Variants in MNDA observed in about 807,000 individuals in gnomAD.
The protein encoded by MNDA is epididymis secretory sperm binding protein.
Under a neutral mutation model 37.8 loss-of-function variants are expected in MNDA, and 43 were observed. That is an observed-to-expected ratio of 1.14 (90% CI 0.89 to 1.47). The LOEUF is 1.47. Ranked by LOEUF, MNDA falls within the 40% of genes most tolerant of loss-of-function variation. The pLI, the probability that MNDA is intolerant of heterozygous loss-of-function variation, is 0.00. For synonymous variants in MNDA, 181 were observed against 169.0 expected (o/e 1.07, Z -0.55); for missense variants, 536 against 476.0 (o/e 1.13, Z -1.17).
intron 1 of MNDA, among the ~76,000 whole-genome samples, chr1:158,832,391 A>G (rs527278639): frequency 2.6e-5 from 4 of 151,862 alleles, no homozygotes; most frequent in African/African-American, 7.2e-5. Context: ...AATCTAAGCT[A>G]TTTTTTACCT....
intron 1 of MNDA, among the ~76,000 whole-genome samples, chr1:158,840,970 T>C (rs1659019955): frequency 6.6e-6 from 1 of 152,124 alleles, no homozygotes; most frequent in Admixed American, 6.6e-5. Context: ...GGAATACCTA[T>C]AAATTTAAAC....
chr1:158,840,872 T>A (rs2102048688), intron 1 of MNDA, among the ~76,000 whole-genome samples: 1 of 152,280 alleles, frequency 6.6e-6, no homozygotes, highest in East Asian at 1.9e-4. Flanking sequence ...ACACTCATGT[T>A]CTCCCAAAAG....
intron 4 of MNDA, among the ~76,000 whole-genome samples, chr1:158,844,975 A>G (rs1659103650): frequency 6.6e-6 from 1 of 152,168 alleles, no homozygotes. Flanking sequence ...CATGCAGAAG[A>G]TCATGCTTTG....
At chr1:158,845,404 GT>G (rs199841330) in intron 4 of MNDA, among the ~76,000 whole-genome samples, 182 bp from the exon 5 acceptor site, 1 of 151,734 alleles carries the variant, frequency 6.6e-6, no homozygotes, top group Non-Finnish European at 1.5e-5. Context: ...CGCCCGGCTA[GT>G]TTTTTTTGTA....
At chr1:158,835,512 G>C (rs776186648) in intron 1 of MNDA, among the ~76,000 whole-genome samples, 2 of 151,066 alleles carry the variant, frequency 1.3e-5, no homozygotes, top group Non-Finnish European at 2.9e-5. Context: ...GAATCTTTGG[G>C]ACTTTCCACA....
In MNDA at chr1:158,845,624, G is replaced by A. The variant is rs769156747; in HGVS notation, c.608G>A (p.Arg203Lys). The A allele has an allele frequency of 1.2e-6, 2 of 1,613,544 alleles. No individual in the cohort carries two copies. The highest frequency in any genetic ancestry group is 1.1e-5 in the South Asian group (1 of 91,024). The change falls in exon 5 of 7, where the codon AGA becomes AAA. Residue 203 changes from arginine to lysine, a missense_variant. By Grantham distance (26) the Arg-to-Lys change is conservative. Coordinates refer to ENST00000368141, the MANE Select transcript of MNDA (RefSeq NM_002432.3). ...CAGGCCCAACGGCAGGTGGATGCAA[G>A]AAGAAATGTTCCCCAAAACGACCCA... ...ETQAQRQVDA[R>K]RNVPQNDPVT...
At chr1:158,837,730 A>T (rs2102046583) in intron 1 of MNDA, among the ~76,000 whole-genome samples, 1 of 151,984 alleles carries the variant, frequency 6.6e-6, no homozygotes, top group East Asian at 1.9e-4. Flanking sequence ...CTAATTATTG[A>T]TAAGGAAGAA....
At chr1:158,839,379 C>G (rs1658985934) in intron 1 of MNDA, among the ~76,000 whole-genome samples, 1 of 152,184 alleles carries the variant, frequency 6.6e-6, no homozygotes, top group South Asian at 2.1e-4. Flanking sequence ...ACACCTGCCT[C>G]TTTTCATGAC....
At chr1:158,843,460 A>T in intron 3 of MNDA, 45 bp downstream of exon 3, 2 of 1,533,152 alleles carry the variant, frequency 1.3e-6, no homozygotes, top group Non-Finnish European at 1.8e-6. Flanking sequence ...CACAGAAGAT[A>T]CTCTGCTATG....
intron 6 of MNDA, among the ~76,000 whole-genome samples, chr1:158,848,851 T>C (rs1163156781): frequency 2.0e-5 from 3 of 152,060 alleles, no homozygotes; most frequent in Non-Finnish European, 4.4e-5. Context: ...TAGTTTGAAA[T>C]CAGCCATGTG....
At chr1:158,833,719 A>T (rs1458352305) in intron 1 of MNDA, among the ~76,000 whole-genome samples, 1 of 152,206 alleles carries the variant, frequency 6.6e-6, no homozygotes. Flanking sequence ...TAAAATACGT[A>T]AGAAACCATA....
chr1:158,842,148 T>C lies in MNDA; in HGVS notation c.-6T>C, dbSNP rs773180355. ...TTACTTTATAGGCCAAGCTATAACA[T>C]CAGAAATGGTGAATGAATACAAGAA... On this transcript the variant is annotated 5_prime_UTR_variant, in exon 2 of 7. Transcript: ENST00000368141. 5.6e-6 allele frequency: 9 copies of C among 1,605,592 alleles called. No homozygotes were observed. The Admixed American group carries it at 1.5e-4, about 27-fold the overall frequency.
intron 1 of MNDA, among the ~76,000 whole-genome samples, chr1:158,833,977 AG>A (rs1658857531): frequency 6.6e-6 from 1 of 152,134 alleles, no homozygotes; most frequent in East Asian, 1.9e-4. Flanking sequence ...ATGATGTACA[AG>A]GTTTCCCTTT....
At chr1:158,836,675 C>CT (rs541019117) in intron 1 of MNDA, among the ~76,000 whole-genome samples, 4 of 151,384 alleles carry the variant, frequency 2.6e-5, no homozygotes, top group Non-Finnish European at 4.4e-5. Context: ...AAAACCAACT[C>CT]TTTTTTTTAT....
chr1:158,845,414 T>C (rs1276611277), intron 4 of MNDA, among the ~76,000 whole-genome samples, 173 bp from the exon 5 acceptor site: 1 of 152,068 alleles, frequency 6.6e-6, no homozygotes, highest in African/African-American at 2.4e-5. Flanking sequence ...GTTTTTTTTG[T>C]ATTTTTAGTA....
rs765181668 is a variant in MNDA at position 158,842,408 on chromosome 1, G to T, written c.255G>T (p.Glu85Asp). The T allele has an allele frequency of 1.2e-6, 2 of 1,610,996 alleles. No individual in the cohort carries two copies. The highest frequency in any genetic ancestry group is 1.7e-5 in the Admixed American group (1 of 59,242). Residue 85 changes from glutamate to aspartate, a missense_variant, in exon 2 of 7, where the codon GAG (glutamate) becomes GAT (aspartate). By Grantham distance (45) the Glu-to-Asp change is conservative. Transcript: ENST00000368141. ...ACCTTGTTAACAATCTTCGAAAAGA[G>T]AAGTCAAAAGGTAATAGAGAAAACC... ...LKNLVNNLRK[E>D]KSKVAKKIKT...
chr1:158,845,959 C>G lies in MNDA; in HGVS notation c.943C>G (p.Gln315Glu). ...TCCCAAGATCAGTCAACTTTACAAGCAAGCATCTGGAACAATGGTGTATGG... is the reference window on the plus strand; with the variant it reads ...TCCCAAGATCAGTCAACTTTACAAGGAAGCATCTGGAACAATGGTGTATGG... Reference protein sequence around the residue: ...KTPKISQLYKQASGTMVYGLF... With the variant: ...KTPKISQLYKEASGTMVYGLF... Residue 315 changes from glutamine to glutamate, a missense_variant, in exon 5 of 7, where the codon CAA becomes GAA. By Grantham distance (29) the Gln-to-Glu change is conservative. Coordinates refer to ENST00000368141, the MANE Select transcript of MNDA (RefSeq NM_002432.3). 1 of 1,614,026 alleles carries G rather than the reference C, an allele frequency of 6.2e-7. No individual in the cohort carries two copies. Among genetic ancestry groups the G allele is most frequent in the South Asian group, 1.1e-5 (1 of 91,070 alleles).
intron 1 of MNDA, among the ~76,000 whole-genome samples, chr1:158,839,791 A>G (rs16841144): frequency 0.03 from 4,537 of 152,254 alleles, 200 homozygotes; most frequent in African/African-American, 0.1. Context: ...TGTTGCAACC[A>G]ATTCTTAACA....
At chr1:158,846,048 A>AATAT in intron 5 of MNDA, 45 bp downstream of exon 5, 2 of 1,495,254 alleles carry the variant, frequency 1.3e-6, no homozygotes, top group South Asian at 2.6e-5. Context: ...ATTACCTGGA[A>AATAT]ATAAATGTCT....
Sources: allele counts gnomAD v4.1 joint callset (sites outside exome capture counted in the v4.1 genomes callset), GRCh38; gene constraint gnomAD v4.1.1; transcripts MANE v1.5; gene names NCBI Gene and HGNC (gene_info 2026-07-23, HGNC 2026-07-21).